The following ACACA variants were observed in gnomAD, a reference collection of about 807,000 sequenced individuals.
ACACA encodes the protein acetyl-CoA carboxylase 1.
A neutral mutation model predicts 296.1 loss-of-function variants in ACACA; 103 were observed. The observed-to-expected ratio is 0.35, with a 90% CI of 0.30 to 0.41. The LOEUF (loss-of-function observed/expected upper bound fraction) is 0.41, where lower values mean the gene tolerates loss of function less well. ACACA is among the 10% of genes least tolerant of loss of function. The pLI, the probability that ACACA is intolerant of heterozygous loss-of-function variation, is 1.00. For synonymous variants in ACACA, 953 were observed against 1,038.6 expected (o/e 0.92, Z 1.58); for missense variants, 1,554 against 2,989.7 (o/e 0.52, Z 11.20).
At chr17:37,184,212 C>T (rs779683705) in intron 39 of ACACA, among the ~76,000 whole-genome samples, 3 of 152,140 alleles carry the variant, frequency 2.0e-5, no homozygotes, top group Non-Finnish European at 4.4e-5. Flanking sequence ...TAACTCCTCA[C>T]ACAAATCGTT....
chr17:37,180,116 C>T (rs2077263205), intron 40 of ACACA, among the ~76,000 whole-genome samples: 3 of 152,138 alleles, frequency 2.0e-5, no homozygotes, highest in African/African-American at 7.2e-5. Context: ...CTCATACATA[C>T]CTATGTGTCC....
intron 52 of ACACA, among the ~76,000 whole-genome samples, chr17:37,100,701 ACAGTAG>A (rs1465095120): frequency 6.6e-6 from 1 of 152,134 alleles, no homozygotes; most frequent in African/African-American, 2.4e-5. Context: ...CATGGATTAG[ACAGTAG>A]TATCAATGTT....
chr17:37,174,018 A>ATTTTTTTTTT (rs2077008643), intron 41 of ACACA, among the ~76,000 whole-genome samples: 8 of 15,432 alleles, frequency 5.2e-4, no homozygotes, highest in South Asian at 4.8e-3. Flanking sequence ...ATATATATAT[A>ATTTTTTTTTT]TATTTTTTTT....
intron 51 of ACACA, 122 bp downstream of exon 51, chr17:37,112,966 G>T: frequency 1.7e-6 from 2 of 1,208,354 alleles, no homozygotes; most frequent in African/African-American, 1.5e-5. Context: ...GAAGGAAAAA[G>T]CTTTGGTTTG....
At chr17:37,404,751 T>C (rs112434026) in intron 1 of ACACA, among the ~76,000 whole-genome samples, 6,913 of 151,922 alleles carry the variant, frequency 0.046, 498 homozygotes, top group African/African-American at 0.15. Flanking sequence ...ATTTTTTTTG[T>C]ATTTTTAGTA....
chr17:37,216,187 C>A (rs547078742), intron 29 of ACACA, among the ~76,000 whole-genome samples: 2 of 114,582 alleles, frequency 1.7e-5, no homozygotes, highest in South Asian at 5.1e-4. Context: ...TACATACACA[C>A]ACGTGTGTGT....
chr17:37,181,035 T>C (rs956906219), intron 40 of ACACA, among the ~76,000 whole-genome samples, 166 bp downstream of exon 40: 2 of 152,152 alleles, frequency 1.3e-5, no homozygotes, highest in Non-Finnish European at 2.9e-5. Flanking sequence ...CCATCCAATA[T>C]CTGAGTTGGC....
chr17:37,291,137 A>AACACACACACACAC (rs1487554527), intron 3 of ACACA, among the ~76,000 whole-genome samples: 8 of 81,194 alleles, frequency 9.9e-5, no homozygotes, highest in African/African-American at 6.2e-4. Context: ...GCTGATGAAA[A>AACACACACACACAC]ACACATACAC....
rs2073044052 is a variant in ACACA, at chr17:37,097,155, A to G, written c.6732T>C (p.Asp2244=). The change falls in exon 54 of 56, where the codon GAT becomes GAC. Residue 2244 remains aspartate, a synonymous_variant. Transcript: ENST00000616317. The surrounding 1 kb of genome is among the most constrained non-coding windows in gnomAD (Gnocchi z 4.8). ...QEKGVISDIL[D]WKTSRTFFYW... is the part of the protein sequence containing the mutation. ...AGAAGAAGGTACGGGATGTTTTCCA[A>G]TCCAGGATATCCTACATGCAGAGAA... is the stretch of plus-strand genomic sequence containing the variant. 1 of 1,613,470 alleles carries G rather than the reference A, an allele frequency of 6.2e-7. No individual in the cohort carries two copies. The highest frequency in any genetic ancestry group is 1.1e-5 in the South Asian group (1 of 91,076).
At chr17:37,224,153 G>A (rs575726343) in intron 27 of ACACA, among the ~76,000 whole-genome samples, 35 of 152,330 alleles carry the variant, frequency 2.3e-4, no homozygotes, top group African/African-American at 8.4e-4. Context: ...AGTGAGCCGA[G>A]ATTATGCCAC....
chr17:37,336,524 T>C (rs1298442567), intron 2 of ACACA, among the ~76,000 whole-genome samples: 1 of 151,930 alleles, frequency 6.6e-6, no homozygotes, highest in Non-Finnish European at 1.5e-5. Context: ...AAACAGGAGA[T>C]AAAGAAATAG....
intron 3 of ACACA, among the ~76,000 whole-genome samples, chr17:37,319,914 G>A (rs888227747): frequency 1.9e-4 from 29 of 151,994 alleles, no homozygotes; most frequent in African/African-American, 6.8e-4. Context: ...TCATGCCACT[G>A]CACTCCAGCC....
intron 41 of ACACA, among the ~76,000 whole-genome samples, chr17:37,165,279 T>C (rs752301367): frequency 9.9e-5 from 15 of 152,112 alleles, no homozygotes; most frequent in Non-Finnish European, 1.9e-4. Context: ...TTAAAATAAT[T>C]TAGATTTCAC....
chr17:37,287,894 T>A (rs1162924715), intron 3 of ACACA, among the ~76,000 whole-genome samples: 1 of 152,216 alleles, frequency 6.6e-6, no homozygotes, highest in Non-Finnish European at 1.5e-5. Context: ...TCTTAGAGAC[T>A]GACATTTCAA....
Position 37,182,450 on chromosome 17 carries a change from C to G in ACACA, c.4777-1094G>C, listed in dbSNP as rs73982258. ...CCTATATTGTCACATAATGAAATCA[C>G]TACACTGGTTTTTAATCATTTTAAC... On this transcript the variant is annotated intron_variant, in intron 39 of 55. Coordinates refer to ENST00000616317, the MANE Select transcript of ACACA (RefSeq NM_198834.3). Among the ~76,000 whole-genome samples, 168 of 152,230 alleles carry G rather than the reference C, an allele frequency of 1.1e-3. 1 individual carries two copies. The highest frequency in any genetic ancestry group is 4.0e-3 in the African/African-American group (165 of 41,542).
intron 1 of ACACA, among the ~76,000 whole-genome samples, chr17:37,396,110 C>T (rs374149642): frequency 1.2e-4 from 18 of 151,834 alleles, no homozygotes; most frequent in African/African-American, 3.9e-4. Context: ...AGGGCCGAGT[C>T]GGGTGGATCA....
In ACACA at chr17:37,399,701, G is replaced by C. The variant is rs9898204; in HGVS notation, c.38+6561C>G. The stretch of plus-strand genomic sequence containing the variant: ...AAGTCAGTAAGGTGAGGAAGAAGCA[G>C]AAGAGATGGGTAACGAAGGCCTGGA... On this transcript the variant is annotated intron_variant, in intron 1 of 55. Coordinates refer to ENST00000616317, the MANE Select transcript of ACACA (RefSeq NM_198834.3). Among the ~76,000 whole-genome samples the C allele has an allele frequency of 7.6e-3, 1,155 of 152,292 alleles. 20 individuals carry two copies. The highest frequency in any genetic ancestry group is 0.026 in the African/African-American group (1,094 of 41,556).
At chr17:37,210,552 G>A in intron 29 of ACACA, 62 bp from the exon 30 acceptor site, 1 of 1,515,370 alleles carries the variant, frequency 6.6e-7, no homozygotes, top group Non-Finnish European at 9.2e-7. Context: ...TAAAAGAATT[G>A]TCAGAGCAGA....
chr17:37,355,539 G>C (rs1333187139), intron 1 of ACACA, among the ~76,000 whole-genome samples: 1 of 150,156 alleles, frequency 6.7e-6, no homozygotes, highest in African/African-American at 2.5e-5. Flanking sequence ...CTGGGTGACA[G>C]AGTGAGACTC....
Sources: allele counts gnomAD v4.1 joint callset (sites outside exome capture counted in the v4.1 genomes callset), GRCh38; gene constraint gnomAD v4.1.1; non-coding constraint Gnocchi (gnomAD v3.1); transcripts MANE v1.5; gene names NCBI Gene and HGNC (gene_info 2026-07-23, HGNC 2026-07-21).